DCAF12: variants seen among roughly 807,000 people sequenced by gnomAD.
DCAF12 encodes DDB1 and CUL4 associated factor 12.
Under a neutral mutation model 52.8 loss-of-function variants are expected in DCAF12, and 28 were observed. The ratio of observed to expected loss-of-function variants is 0.53; its 90% CI spans 0.39 to 0.73. The LOEUF (loss-of-function observed/expected upper bound fraction) is 0.73, where lower values mean the gene tolerates loss of function less well. Ranked by LOEUF, DCAF12 falls within the 30% of genes least tolerant of loss-of-function variation. The probability of loss-of-function intolerance (pLI) is 0.00; values close to 1 mark genes in which losing one functional copy is unlikely to be tolerated. For missense variants in DCAF12, 425 were observed against 552.2 expected, an observed-to-expected ratio of 0.77 and a Z score of 2.31; for synonymous variants, 196 against 215.5, an observed-to-expected ratio of 0.91 and a Z score of 0.79.
chr9:34,108,788 G>A (rs1010958806), intron 2 of DCAF12, among the ~76,000 whole-genome samples: 3 of 130,300 alleles, frequency 2.3e-5, no homozygotes, highest in African/African-American at 5.5e-5. Flanking sequence ...TGTGAGACTT[G>A]GTCTCAAAAA....
chr9:34,124,874 G>A, intron 2 of DCAF12, 149 bp downstream of exon 2: 1 of 992,368 alleles, frequency 1.0e-6, no homozygotes, highest in South Asian at 1.7e-5. Context: ...ACGAAAAGAG[G>A]AAGAAGTCAC....
intron 2 of DCAF12, among the ~76,000 whole-genome samples, chr9:34,120,490 G>C (rs1190371652): frequency 6.6e-6 from 1 of 151,712 alleles, no homozygotes. Context: ...GGCCAGCATG[G>C]TGAAACCCCG....
chr9:34,092,931 C>T (rs1190970671), intron 7 of DCAF12, among the ~76,000 whole-genome samples: 3 of 152,130 alleles, frequency 2.0e-5, no homozygotes, highest in Admixed American at 6.5e-5. Context: ...CCGCAACCTC[C>T]GCCTCCCAGG....
chr9:34,104,844 G>A (rs191625308), intron 4 of DCAF12, among the ~76,000 whole-genome samples: 3 of 151,350 alleles, frequency 2.0e-5, no homozygotes, highest in South Asian at 2.1e-4. Flanking sequence ...CTTGAACCCA[G>A]GAGGCGGAGG....
In DCAF12 at chr9:34,089,514, G is replaced by A; in HGVS notation, c.1101C>T (p.Ile367=). The stretch of plus-strand genomic sequence containing the variant: ...TCTCTTCCAGAAATCTCTGAGCTCG[G>A]ATGTCATAGAACAGCAGGGAGCCCT... ...TGQGSLLFYD[I]RAQRFLEERL... The change falls in exon 8 of 9, where the codon ATC becomes ATT. Residue 367 remains isoleucine, a synonymous_variant. Transcript: ENST00000361264. 1.2e-6 allele frequency: 2 copies of A among 1,614,142 alleles called. No homozygotes were observed. The highest frequency in any genetic ancestry group is 1.7e-6 in the Non-Finnish European group (2 of 1,180,028).
chr9:34,102,401 G>A lies in DCAF12; in HGVS notation c.602-3884C>T, dbSNP rs546308664. 3.9e-4 allele frequency among the ~76,000 whole-genome samples: 60 copies of A among 152,226 alleles called. 1 individual carries two copies. The highest frequency in any genetic ancestry group is 9.4e-4 in the African/African-American group (39 of 41,554). On this transcript the variant is annotated intron_variant, in intron 4 of 8. Transcript: ENST00000361264. ...ACCCAGGCCGGGCACGGTGGCTCAC[G>A]CCTGTAACCCCAGAACTTTGGGAGG...
At chr9:34,122,320 T>C (rs1014933830) in intron 2 of DCAF12, among the ~76,000 whole-genome samples, 3 of 152,166 alleles carry the variant, frequency 2.0e-5, no homozygotes, top group South Asian at 2.1e-4. Flanking sequence ...ATTTCAATAA[T>C]TCCTTCTACA....
intron 7 of DCAF12, among the ~76,000 whole-genome samples, chr9:34,091,371 C>T (rs956929525): frequency 3.3e-5 from 5 of 151,874 alleles, no homozygotes; most frequent in African/African-American, 1.2e-4. Context: ...CAGTGGCTCA[C>T]GGCTGTAATC....
At chr9:34,113,094 AG>A (rs1191631855) in intron 2 of DCAF12, among the ~76,000 whole-genome samples, 6 of 151,976 alleles carry the variant, frequency 3.9e-5, no homozygotes, top group Non-Finnish European at 5.9e-5. Context: ...CTTGTTGCCC[AG>A]GCTGGAGTGC....
chr9:34,110,976 T>C (rs940062959), intron 2 of DCAF12, among the ~76,000 whole-genome samples: 1 of 148,958 alleles, frequency 6.7e-6, no homozygotes, highest in Non-Finnish European at 1.5e-5. Context: ...GATTCTCCTA[T>C]TCTTTTCTGT....
At position 34,125,357 on chromosome 9, in the gene DCAF12, C is replaced by T. The variant is rs1052566629; in HGVS notation, c.79-80G>A. 95 of 1,465,686 alleles carry T rather than the reference C, an allele frequency of 6.5e-5. 1 individual carries two copies. The highest frequency in any genetic ancestry group is 8.4e-5 in the Non-Finnish European group (90 of 1,075,386). 90.8% of individuals were successfully genotyped at this position (1,465,686 alleles called of 1,614,324 possible). A position where few individuals can be genotyped will look rare whatever the true frequency, so the allele number is the denominator to read the frequency against. ...CCTACTGTATTACAGAAATCACCAACTCATAACTCATACTGCAGAATTTAC... is the reference window on the plus strand; with the variant it reads ...CCTACTGTATTACAGAAATCACCAATTCATAACTCATACTGCAGAATTTAC... On this transcript the variant is annotated intron_variant, in intron 1 of 8. Transcript: ENST00000361264.
Position 34,087,703 on chromosome 9 carries a change from A to G in DCAF12, c.*647T>C, listed in dbSNP as rs1828582147. The G allele has an allele frequency of 6.6e-6, 1 of 152,140 alleles. No homozygotes were observed. Among genetic ancestry groups the G allele is most frequent in the Admixed American group, 6.6e-5 (1 of 15,266 alleles). 9.4% of individuals were successfully genotyped at this position (152,140 alleles called of 1,614,324 possible). The stretch of plus-strand genomic sequence containing the variant: ...TAACTAAAAAGATTTTCCCAGTGGT[A>G]ATTTCTTTTCCTTTCTGTTTTTACT... On this transcript the variant is annotated 3_prime_UTR_variant, in exon 9 of 9. Transcript: ENST00000361264.
chr9:34,109,785 C>T, intron 2 of DCAF12: 1 of 341,468 alleles, frequency 2.9e-6, no homozygotes, highest in South Asian at 2.8e-5. Flanking sequence ...GTGCAGACAC[C>T]AGGTGGCTCA....
At chr9:34,089,809 C>T (rs1482131013) in intron 7 of DCAF12, 3 of 418,256 alleles carry the variant, frequency 7.2e-6, no homozygotes, top group Non-Finnish European at 1.3e-5. Flanking sequence ...TGACAGAAAC[C>T]ATCCAAGAAG....
rs1828916876 is a variant in DCAF12, at chr9:34,107,213, G to A, written c.540+146C>T. 5 of 735,666 alleles carry A rather than the reference G, an allele frequency of 6.8e-6. No individual in the cohort carries two copies. In the Admixed American group the frequency reaches 9.2e-5, roughly 14 times the overall value. The allele number at this position is 735,666 out of a possible 1,614,324, so 45.6% of individuals were successfully genotyped here. On this transcript the variant is annotated intron_variant, in intron 3 of 8. Transcript: ENST00000361264. ...CCAATACTGTTGGCCCCTGAGGTGT[G>A]CTGCTTGCCCCTTTATCAAATATAC...
At chr9:34,091,105 T>C (rs1828636098) in intron 7 of DCAF12, among the ~76,000 whole-genome samples, 1 of 151,792 alleles carries the variant, frequency 6.6e-6, no homozygotes, top group Non-Finnish European at 1.5e-5. Context: ...GGTGAGTGGA[T>C]CACTTGAGGT....
At chr9:34,100,046 TAG>T (rs1356251690) in intron 4 of DCAF12, among the ~76,000 whole-genome samples, 1 of 152,054 alleles carries the variant, frequency 6.6e-6, no homozygotes, top group Non-Finnish European at 1.5e-5. Flanking sequence ...TCTCTTTTTT[TAG>T]AGACAGGGTC....
intron 7 of DCAF12, among the ~76,000 whole-genome samples, chr9:34,093,060 G>A (rs1828671102): frequency 6.6e-6 from 1 of 152,180 alleles, no homozygotes. Context: ...TATTGGTCAG[G>A]CTGATCTCAA....
chr9:34,108,787 T>G (rs1828946038), intron 2 of DCAF12, among the ~76,000 whole-genome samples: 2 of 134,418 alleles, frequency 1.5e-5, no homozygotes, highest in African/African-American at 2.7e-5. Flanking sequence ...CTGTGAGACT[T>G]GGTCTCAAAA....
Sources: allele counts gnomAD v4.1 joint callset (sites outside exome capture counted in the v4.1 genomes callset), GRCh38; gene constraint gnomAD v4.1.1; transcripts MANE v1.5; gene names NCBI Gene and HGNC (gene_info 2026-07-23, HGNC 2026-07-21).